SCP2: variants seen among roughly 807,000 people sequenced by gnomAD.
The protein encoded by SCP2 is SCP-2/3-oxoacyl-CoA thiolase.
SCP2 carries 48 observed loss-of-function variants against 71.4 expected under a neutral mutation model. The ratio of observed to expected loss-of-function variants is 0.67; its 90% CI spans 0.53 to 0.86. The LOEUF is 0.86. Ranked by LOEUF, SCP2 falls within the 40% of genes least tolerant of loss-of-function variation. The pLI is 0.00. For missense variants in SCP2, 560 were observed against 655.6 expected (o/e 0.85, Z 1.59); for synonymous variants, 220 against 218.1 (o/e 1.01, Z -0.08).
At chr1:53,001,147 C>T (rs1020267124) in intron 11 of SCP2, among the ~76,000 whole-genome samples, 1 of 151,954 alleles carries the variant, frequency 6.6e-6, no homozygotes, top group African/African-American at 2.4e-5. Flanking sequence ...AAGGTAACTA[C>T]TAGTCTCAGG....
At chr1:52,995,413 A>G (rs1189329955) in intron 11 of SCP2, 1 of 456,728 alleles carries the variant, frequency 2.2e-6, no homozygotes, top group East Asian at 5.2e-5. Context: ...AGCCACCACA[A>G]GCAGTGTTAC....
chr1:52,931,949 A>C (rs916354582), intron 1 of SCP2, among the ~76,000 whole-genome samples: 1 of 152,196 alleles, frequency 6.6e-6, no homozygotes, highest in Non-Finnish European at 1.5e-5. Flanking sequence ...TTTTAAAAAA[A>C]AAGACATAGG....
In SCP2 at chr1:52,939,829, C is replaced by T. The variant is rs375083610; in HGVS notation, c.70-1967C>T. 4.6e-5 allele frequency among the ~76,000 whole-genome samples: 7 copies of T among 151,988 alleles called. No individual in the cohort carries two copies. The East Asian group carries it at 9.7e-4, about 21-fold the overall frequency. On this transcript the variant is annotated intron_variant, in intron 1 of 15. Coordinates refer to ENST00000371514, the MANE Select transcript of SCP2 (RefSeq NM_002979.5). Reference sequence around the variant, plus strand: ...GGATTATAGGTGCTGGCCACCATGACCAGCTCATTTTTGTATTTTTAGTAG... The same window carrying T: ...GGATTATAGGTGCTGGCCACCATGATCAGCTCATTTTTGTATTTTTAGTAG...
intron 11 of SCP2, among the ~76,000 whole-genome samples, chr1:53,008,382 A>G (rs905546769): frequency 3.2e-4 from 49 of 152,236 alleles, no homozygotes; most frequent in Admixed American, 9.8e-4. Context: ...AGTCCTCAAT[A>G]AAATACTGGC....
chr1:53,046,239 T>C (rs144803507), intron 14 of SCP2, among the ~76,000 whole-genome samples: 5 of 152,328 alleles, frequency 3.3e-5, no homozygotes, highest in African/African-American at 1.2e-4. Context: ...TTCCAGACTG[T>C]TTTCTGAAAG....
chr1:53,028,598 A>C (rs940895680), intron 13 of SCP2, among the ~76,000 whole-genome samples: 1 of 152,164 alleles, frequency 6.6e-6, no homozygotes, highest in Admixed American at 6.5e-5. Context: ...GTTTATGAAT[A>C]GTATAAATTT....
intron 2 of SCP2, among the ~76,000 whole-genome samples, chr1:52,942,467 C>T (rs183017174): frequency 5.9e-5 from 9 of 152,144 alleles, no homozygotes; most frequent in East Asian, 1.9e-4. Context: ...TCTTTAGAGA[C>T]GTGCCACGAC....
At chr1:52,998,176 G>A (rs1660063014) in intron 11 of SCP2, among the ~76,000 whole-genome samples, 1 of 152,106 alleles carries the variant, frequency 6.6e-6, no homozygotes, top group Non-Finnish European at 1.5e-5. Flanking sequence ...TTCCTGTTTA[G>A]GGCTGCATGA....
chr1:53,021,925 A>G (rs1661777963), intron 12 of SCP2, among the ~76,000 whole-genome samples: 1 of 152,206 alleles, frequency 6.6e-6, no homozygotes, highest in Non-Finnish European at 1.5e-5. Context: ...GATTACAGGC[A>G]TGAGCCACCA....
At chr1:53,022,598 A>G (rs1015353336) in intron 12 of SCP2, among the ~76,000 whole-genome samples, 2 of 152,192 alleles carry the variant, frequency 1.3e-5, no homozygotes, top group East Asian at 3.8e-4. Flanking sequence ...AGGGCCTGGT[A>G]TGTGCCAGGA....
intron 6 of SCP2, among the ~76,000 whole-genome samples, chr1:52,967,413 T>C (rs1457179601): frequency 6.6e-6 from 1 of 152,170 alleles, no homozygotes; most frequent in African/African-American, 2.4e-5. Flanking sequence ...ATCCACGTCA[T>C]TTAGATTTTC....
chr1:52,980,900 C>T (rs1028900036), intron 10 of SCP2, among the ~76,000 whole-genome samples: 44 of 152,084 alleles, frequency 2.9e-4, no homozygotes, highest in African/African-American at 1.0e-3. Context: ...AAGTGTATCT[C>T]TTATAGGCAG....
intron 2 of SCP2, 128 bp downstream of exon 2, chr1:52,941,981 A>G: frequency 2.9e-6 from 2 of 695,868 alleles, no homozygotes; most frequent in East Asian, 5.7e-5. Context: ...CGTACAGAGA[A>G]ATGTCTAGTG....
At chr1:52,954,034 G>A (rs1030432425) in intron 4 of SCP2, among the ~76,000 whole-genome samples, 6 of 150,988 alleles carry the variant, frequency 4.0e-5, no homozygotes, top group Non-Finnish European at 5.9e-5. Flanking sequence ...TTGTGGTGCC[G>A]GGCATAGTGG....
intron 3 of SCP2, among the ~76,000 whole-genome samples, chr1:52,949,835 C>T (rs1416592063): frequency 6.6e-6 from 1 of 152,126 alleles, no homozygotes; most frequent in Non-Finnish European, 1.5e-5. Flanking sequence ...CCATGGCTAG[C>T]AGATATTTAA....
At chr1:52,994,377 A>C in intron 11 of SCP2, 2 of 729,084 alleles carry the variant, frequency 2.7e-6, no homozygotes, top group Non-Finnish European at 3.4e-6. Flanking sequence ...TTGACATACA[A>C]CTTTTTTCTC....
In SCP2 at chr1:53,047,992, A is replaced by G. The variant is rs371192674; in HGVS notation, c.1548+55A>G. On this transcript the variant is annotated intron_variant, in intron 15 of 15. Coordinates refer to ENST00000371514, the MANE Select transcript of SCP2 (RefSeq NM_002979.5). ...GTAGGTAGGTCTTTCAGCCCTTTCT[A>G]CTCCATCTCCTGACTCAGACTCTAA... 5.5e-5 allele frequency: 65 copies of G among 1,192,514 alleles called. No homozygotes were observed. The African/African-American group carries it at 8.9e-4, about 16-fold the overall frequency. 73.9% of individuals were successfully genotyped at this position (1,192,514 alleles called of 1,614,324 possible). A position where few individuals can be genotyped will look rare whatever the true frequency, so the allele number is the denominator to read the frequency against.
chr1:52,959,275 A>C (rs1443608880), intron 5 of SCP2, among the ~76,000 whole-genome samples: 1 of 151,372 alleles, frequency 6.6e-6, no homozygotes, highest in Non-Finnish European at 1.5e-5. Context: ...GGCTCACCGC[A>C]ACCTCCACCT....
At chr1:52,993,286 G>C (rs1659664968) in intron 11 of SCP2, 1 of 1,614,040 alleles carries the variant, frequency 6.2e-7, no homozygotes, top group Admixed American at 1.7e-5. Context: ...GAAATTTCCT[G>C]ATAACCCGGA....
Sources: gnomAD v4.1 joint callset for allele counts (sites outside exome capture counted in the v4.1 genomes callset) on GRCh38, gnomAD v4.1.1 for gene constraint, MANE v1.5 for transcripts, NCBI Gene and HGNC (gene_info 2026-07-23, HGNC 2026-07-21) for gene names.